The following MOB1A variants were observed in gnomAD, a reference collection of about 807,000 sequenced individuals.
MOB1A encodes the protein MOB kinase activator 1A.
MOB1A carries 10 observed loss-of-function variants against 25.1 expected under a neutral mutation model. The observed-to-expected ratio is 0.40, with a 90% CI of 0.25 to 0.68. The LOEUF is 0.68. Among genes scored for constraint, MOB1A ranks in the 30% least tolerant of loss-of-function variants. The pLI is 0.40. For synonymous variants in MOB1A, 81 were observed against 79.5 expected (o/e 1.02, Z -0.10); for missense variants, 177 against 256.3 (o/e 0.69, Z 2.11).
chr2:74,172,755 G>T lies in MOB1A; in HGVS notation c.15-3C>A. 2 of 1,611,442 alleles carry T rather than the reference G, an allele frequency of 1.2e-6. No homozygotes were observed. Among genetic ancestry groups the T allele is most frequent in the Non-Finnish European group, 1.7e-6 (2 of 1,178,642 alleles). ...ATGTTTTAGAAGAGCGGCTGCTGCTGTAAGATTAAAAGTGCAAGTATATGA... is the reference window on the plus strand; with the variant it reads ...ATGTTTTAGAAGAGCGGCTGCTGCTTTAAGATTAAAAGTGCAAGTATATGA... On this transcript the variant is annotated splice_region_variant and splice_polypyrimidine_tract_variant and intron_variant, in intron 1 of 5. Coordinates refer to ENST00000396049, the MANE Select transcript of MOB1A (RefSeq NM_018221.5).
chr2:74,157,531 T>C (rs1395306319), intron 5 of MOB1A, among the ~76,000 whole-genome samples: 1 of 152,176 alleles, frequency 6.6e-6, no homozygotes. Flanking sequence ...GGTGACAATG[T>C]ATTACTTTTG....
At chr2:74,172,485 T>C (rs1348470983) in intron 2 of MOB1A, 101 bp downstream of exon 2, 5 of 1,094,554 alleles carry the variant, frequency 4.6e-6, no homozygotes, top group Non-Finnish European at 6.6e-6. Flanking sequence ...ACAGATAATT[T>C]GTTATATTAA....
chr2:74,154,321 CCCTAG>C lies in MOB1A; in HGVS notation c.*2242_*2246del, dbSNP rs1411280413. The C allele has an allele frequency of 2.0e-5, 3 of 152,198 alleles. No homozygotes were observed. Among genetic ancestry groups the C allele is most frequent in the African/African-American group, 7.2e-5 (3 of 41,436 alleles). The allele number at this position is 152,198 out of a possible 1,614,324, so 9.4% of individuals were successfully genotyped here. On this transcript the variant is annotated 3_prime_UTR_variant, in exon 6 of 6. Coordinates refer to ENST00000396049, the MANE Select transcript of MOB1A (RefSeq NM_018221.5). ...TCCAATTCTCCTCCTCCCCTTGGCT[CCCTAG>C]CCTTGGAGGTAAACACTAATATTTC...
Position 74,172,533 on chromosome 2 carries a change from A to G in MOB1A, c.181+53T>C, listed in dbSNP as rs564274337. On this transcript the variant is annotated intron_variant, in intron 2 of 5. Coordinates refer to ENST00000396049, the MANE Select transcript of MOB1A (RefSeq NM_018221.5). The stretch of plus-strand genomic sequence containing the variant: ...TGTAAAAGAAAATTCATTAACAAAG[A>G]GATTTTAGCAAAACCTTTCTAGAAA... The G allele has an allele frequency of 1.6e-5, 25 of 1,537,040 alleles. 1 individual carries two copies. The South Asian group carries it at 1.7e-4, about 10-fold the overall frequency.
chr2:74,162,122 T>C (rs1692989941), intron 4 of MOB1A, among the ~76,000 whole-genome samples: 1 of 152,168 alleles, frequency 6.6e-6, no homozygotes, highest in Admixed American at 6.5e-5. Flanking sequence ...ATGCAGATAA[T>C]AGCCTAATGG....
At chr2:74,168,315 T>C (rs1014014811) in intron 2 of MOB1A, among the ~76,000 whole-genome samples, 8 of 152,110 alleles carry the variant, frequency 5.3e-5, no homozygotes, top group African/African-American at 1.7e-4. Flanking sequence ...TAAATAAACT[T>C]TACTGAGTGA....
chr2:74,168,400 C>G (rs1693190712), intron 2 of MOB1A, among the ~76,000 whole-genome samples: 1 of 152,218 alleles, frequency 6.6e-6, no homozygotes, highest in East Asian at 1.9e-4. Flanking sequence ...TGCAGTGGCT[C>G]ACGCCTATAA....
In MOB1A at chr2:74,152,653, T is replaced by C. The variant is rs1692689169; in HGVS notation, c.*3915A>G. 1 of 152,236 alleles carries C rather than the reference T, an allele frequency of 6.6e-6. No individual in the cohort carries two copies. Among genetic ancestry groups the C allele is most frequent in the Non-Finnish European group, 1.5e-5 (1 of 68,040 alleles). 9.4% of individuals were successfully genotyped at this position (152,236 alleles called of 1,614,324 possible). A position where few individuals can be genotyped will look rare whatever the true frequency, so the allele number is the denominator to read the frequency against. ...TTACAAAAGTAGATACAAAATACTT[T>C]TTTTAGAAGTACAGTTAACTGACTT... On this transcript the variant is annotated 3_prime_UTR_variant, in exon 6 of 6. Transcript: ENST00000396049.
intron 4 of MOB1A, among the ~76,000 whole-genome samples, chr2:74,159,829 AC>A (rs1692914638): frequency 1.1e-5 from 1 of 91,576 alleles, no homozygotes; most frequent in African/African-American, 3.8e-5. Context: ...CCCCCCCCCC[AC>A]CCCGGAGACT....
rs1212565131 is a variant in MOB1A, at chr2:74,152,670, AACTG to A, written c.*3894_*3897del. The A allele has an allele frequency of 1.3e-5, 2 of 152,250 alleles. No homozygotes were observed. The highest frequency in any genetic ancestry group is 2.9e-5 in the Non-Finnish European group (2 of 68,050). 9.4% of individuals were successfully genotyped at this position (152,250 alleles called of 1,614,324 possible). A position where few individuals can be genotyped will look rare whatever the true frequency, so the allele number is the denominator to read the frequency against. On this transcript the variant is annotated 3_prime_UTR_variant, in exon 6 of 6. Transcript: ENST00000396049. ...AAATACTTTTTTTAGAAGTACAGTT[AACTG>A]ACTTAGAAAAATAGATAAAGCCCCT...
intron 4 of MOB1A, among the ~76,000 whole-genome samples, chr2:74,159,602 C>CA (rs1205895107): frequency 2.6e-5 from 4 of 152,020 alleles, no homozygotes; most frequent in African/African-American, 4.8e-5. Context: ...TACACACTGC[C>CA]ATGAGCACCT....
rs1188906800 is a variant in MOB1A at position 74,157,229 on chromosome 2, C to A, written c.574-584G>T. 1.3e-5 allele frequency among the ~76,000 whole-genome samples: 2 copies of A among 151,332 alleles called. 1 individual carries two copies. ...GGCCAATTATTTAATCAATCATGGG[C>A]AAGTAATGAAGCCTCCATAAAAACA... is the stretch of plus-strand genomic sequence containing the variant. On this transcript the variant is annotated intron_variant, in intron 5 of 5. Coordinates refer to ENST00000396049, the MANE Select transcript of MOB1A (RefSeq NM_018221.5).
At chr2:74,177,647 G>C (rs938628940) in intron 1 of MOB1A, among the ~76,000 whole-genome samples, 1 of 151,240 alleles carries the variant, frequency 6.6e-6, no homozygotes, top group Non-Finnish European at 1.5e-5. Context: ...CAATAAAGTG[G>C]GTAAACTCTG....
intron 5 of MOB1A, 155 bp downstream of exon 5, chr2:74,158,931 CAATAA>C (rs1692880951): frequency 6.5e-6 from 5 of 763,946 alleles, no homozygotes; most frequent in Non-Finnish European, 8.4e-6. Flanking sequence ...CTGCACACAT[CAATAA>C]AATAAATAAT....
intron 1 of MOB1A, chr2:74,173,160 A>T (rs1259106348): frequency 1.9e-6 from 1 of 516,158 alleles, no homozygotes; most frequent in Non-Finnish European, 3.9e-6. Flanking sequence ...CACTCTCTGA[A>T]AAATGCCAAG....
chr2:74,158,916 T>C (rs1692879886), intron 5 of MOB1A, among the ~76,000 whole-genome samples, 175 bp downstream of exon 5: 1 of 152,184 alleles, frequency 6.6e-6, no homozygotes, highest in South Asian at 2.1e-4. Context: ...TACCTTTTTA[T>C]ACTGCTGCAC....
rs1187496882 is a variant in MOB1A, at chr2:74,154,421, A to G, written c.*2147T>C. On this transcript the variant is annotated 3_prime_UTR_variant, in exon 6 of 6. Transcript: ENST00000396049. ...GTTTTTATTTTTATTTTAAAAAAGG[A>G]CAGTCTTGAGTCTCAAAATACCAAC... The G allele has an allele frequency of 6.6e-6, 1 of 152,178 alleles. No homozygotes were observed. The highest frequency in any genetic ancestry group is 6.6e-5 in the Admixed American group (1 of 15,260). 9.4% of individuals were successfully genotyped at this position (152,178 alleles called of 1,614,324 possible). A position where few individuals can be genotyped will look rare whatever the true frequency, so the allele number is the denominator to read the frequency against.
chr2:74,165,249 A>C lies in MOB1A; in HGVS notation c.378T>G (p.Leu126=), dbSNP rs2103713251. 2 of 1,561,532 alleles carry C rather than the reference A, an allele frequency of 1.3e-6. No homozygotes were observed. The highest frequency in any genetic ancestry group is 3.8e-5 in the Admixed American group (2 of 52,698). Residue 126 remains leucine (L), a synonymous_variant, in exon 4 of 6, where the codon CTT becomes CTG. Coordinates refer to ENST00000396049, the MANE Select transcript of MOB1A (RefSeq NM_018221.5). ...DYLMTWVQDQ[L]DDETLFPSKI... ...TAGAAGGAAAAAGAGTTTCATCATCAAGCTGATCTTGAACCCAAGTCATCA... is the reference window on the plus strand; with the variant it reads ...TAGAAGGAAAAAGAGTTTCATCATCCAGCTGATCTTGAACCCAAGTCATCA...
intron 2 of MOB1A, 102 bp downstream of exon 2, chr2:74,172,482 ATT>A: frequency 9.3e-7 from 1 of 1,077,984 alleles, no homozygotes; most frequent in East Asian, 2.4e-5. Context: ...TTTACAGATA[ATT>A]TGTTATATTA....
Sources: gnomAD v4.1 joint callset for allele counts (sites outside exome capture counted in the v4.1 genomes callset) on GRCh38, gnomAD v4.1.1 for gene constraint, MANE v1.5 for transcripts, NCBI Gene and HGNC (gene_info 2026-07-23, HGNC 2026-07-21) for gene names.